Variants in KCNQ3 observed in about 807,000 individuals in gnomAD.
KCNQ3 encodes the protein potassium voltage-gated channel subfamily Q member 3, also known as potassium voltage-gated channel subfamily KQT member 3.
KCNQ3 carries 30 observed loss-of-function variants against 92.5 expected under a neutral mutation model. The ratio of observed to expected loss-of-function variants is 0.32; its 90% CI spans 0.24 to 0.44. The LOEUF (loss-of-function observed/expected upper bound fraction) is 0.44, where lower values mean the gene tolerates loss of function less well. KCNQ3 is among the 20% of genes least tolerant of loss of function. KCNQ3 has a pLI of 1.00. For missense variants in KCNQ3, 913 were observed against 1,140.3 expected, an observed-to-expected ratio of 0.80 and a Z score of 2.87; for synonymous variants, 450 against 468.8, an observed-to-expected ratio of 0.96 and a Z score of 0.52.
At chr8:132,471,789 A>C (rs1822302822) in intron 1 of KCNQ3, among the ~76,000 whole-genome samples, 1 of 152,188 alleles carries the variant, frequency 6.6e-6, no homozygotes, top group African/African-American at 2.4e-5. Flanking sequence ...TTAAACTAAA[A>C]AGCTTCTATG....
intron 5 of KCNQ3, among the ~76,000 whole-genome samples, chr8:132,174,795 A>G (rs1826494835): frequency 6.6e-6 from 1 of 152,302 alleles, no homozygotes; most frequent in African/African-American, 2.4e-5. Flanking sequence ...ATCAGTATAC[A>G]TGTACTTATG....
intron 14 of KCNQ3, among the ~76,000 whole-genome samples, chr8:132,131,934 A>T (rs905510002): frequency 2.6e-5 from 4 of 152,066 alleles, no homozygotes; most frequent in Non-Finnish European, 1.5e-5. Context: ...CTAAAAATAC[A>T]AAAATTAGCT....
chr8:132,337,590 C>T (rs1366587687), intron 1 of KCNQ3, among the ~76,000 whole-genome samples: 1 of 152,116 alleles, frequency 6.6e-6, no homozygotes, highest in African/African-American at 2.4e-5. Flanking sequence ...AGGGCTGGTA[C>T]CAACAGGTCA....
At chr8:132,148,669 T>A (rs146616343) in intron 9 of KCNQ3, among the ~76,000 whole-genome samples, 8 of 152,360 alleles carry the variant, frequency 5.3e-5, no homozygotes, top group Non-Finnish European at 1.2e-4. Context: ...CCAATGTGGA[T>A]GGACGTCATC....
At chr8:132,365,646 T>C (rs955937584) in intron 1 of KCNQ3, among the ~76,000 whole-genome samples, 2 of 152,194 alleles carry the variant, frequency 1.3e-5, no homozygotes, top group African/African-American at 2.4e-5. Flanking sequence ...TCAAAGTTTG[T>C]TGTCAAGTAA....
intron 1 of KCNQ3, among the ~76,000 whole-genome samples, chr8:132,395,647 T>TA (rs768917494): frequency 6.6e-6 from 1 of 152,254 alleles, no homozygotes; most frequent in South Asian, 2.1e-4. Context: ...CAGCATCTCC[T>TA]ACTAAAGAGA....
chr8:132,218,159 C>A (rs949858534), intron 1 of KCNQ3, among the ~76,000 whole-genome samples: 6 of 152,154 alleles, frequency 3.9e-5, no homozygotes, highest in African/African-American at 1.4e-4. Flanking sequence ...AAGCTCTGCT[C>A]CATTCATGTC....
At chr8:132,142,458 T>C (rs952414641) in intron 9 of KCNQ3, among the ~76,000 whole-genome samples, 1 of 152,192 alleles carries the variant, frequency 6.6e-6, no homozygotes, top group African/African-American at 2.4e-5. Context: ...GCATAGAGTG[T>C]GACACAGAGC....
At chr8:132,224,081 A>ATTTTTTTTTTTTTTTTTTTTTTTTTTTT (rs1164773143) in intron 1 of KCNQ3, among the ~76,000 whole-genome samples, 3 of 39,460 alleles carry the variant, frequency 7.6e-5, no homozygotes, top group Admixed American at 3.4e-4. Context: ...ATGCCAGGCT[A>ATTTTTTTTTTTTTTTTTTTTTTTTTTTT]TTTTTTTTTT....
At chr8:132,479,987 CACACA>C (rs1563925568) in intron 1 of KCNQ3, among the ~76,000 whole-genome samples, 155 bp downstream of exon 1, 31 of 151,424 alleles carry the variant, frequency 2.0e-4, no homozygotes, top group African/African-American at 3.7e-4. Context: ...CACACACACA[CACACA>C]CCCAGGGAAA....
At chr8:132,426,449 C>T (rs1217548767) in intron 1 of KCNQ3, among the ~76,000 whole-genome samples, 1 of 152,242 alleles carries the variant, frequency 6.6e-6, no homozygotes, top group African/African-American at 2.4e-5. Flanking sequence ...CCTCTCACAG[C>T]CTGGTTTGCT....
intron 8 of KCNQ3, among the ~76,000 whole-genome samples, chr8:132,164,182 G>A (rs1826072946): frequency 6.6e-6 from 1 of 151,908 alleles, no homozygotes; most frequent in Non-Finnish European, 1.5e-5. Flanking sequence ...TTCCCTGCTT[G>A]GAACAGTCCT....
intron 1 of KCNQ3, among the ~76,000 whole-genome samples, chr8:132,337,006 G>A (rs2130675118): frequency 6.6e-6 from 1 of 152,316 alleles, no homozygotes; most frequent in South Asian, 2.1e-4. Context: ...TAACAGGTAT[G>A]CCCAGAGAGG....
chr8:132,352,456 G>A (rs968581688), intron 1 of KCNQ3, among the ~76,000 whole-genome samples: 44 of 152,100 alleles, frequency 2.9e-4, no homozygotes, highest in African/African-American at 8.2e-4. Flanking sequence ...GCTAATGCTG[G>A]AAAACTCTGG....
intron 1 of KCNQ3, among the ~76,000 whole-genome samples, chr8:132,363,882 A>C (rs990358565): frequency 2.0e-5 from 3 of 151,788 alleles, no homozygotes; most frequent in Non-Finnish European, 2.9e-5. Context: ...AGGCTGTTCT[A>C]GTTTATCCCT....
chr8:132,422,236 TC>T (rs1820986953), intron 1 of KCNQ3, among the ~76,000 whole-genome samples: 1 of 152,064 alleles, frequency 6.6e-6, no homozygotes, highest in Admixed American at 6.6e-5. Flanking sequence ...CATCCCTGAC[TC>T]TTCCCTTCTC....
intron 1 of KCNQ3, among the ~76,000 whole-genome samples, chr8:132,275,619 C>T (rs1171029151): frequency 6.6e-6 from 1 of 151,780 alleles, no homozygotes; most frequent in Non-Finnish European, 1.5e-5. Flanking sequence ...GCTCTGTCGC[C>T]CAGGCTGGAG....
At position 132,480,677 on chromosome 8, in the gene KCNQ3, C is replaced by CCCT; in HGVS notation, c.-146_-145insAGG. On this transcript the variant is annotated 5_prime_UTR_variant, in exon 1 of 15. Transcript: ENST00000388996. ...ATCCGCGCGCCCCTCCCCACCCCCCCCCAAAAGCAGGCAAAGGCGGGCCCC... is the reference window on the plus strand; with the variant it reads ...ATCCGCGCGCCCCTCCCCACCCCCCCCCTCCAAAAGCAGGCAAAGGCGGGCCCC... The CCCT allele has an allele frequency of 2.2e-6, 2 of 902,578 alleles. No homozygotes were observed. Among genetic ancestry groups the CCCT allele is most frequent in the Non-Finnish European group, 2.7e-6 (2 of 742,380 alleles). 55.9% of individuals were successfully genotyped at this position (902,578 alleles called of 1,614,324 possible).
At chr8:132,230,433 CAGAGAGAG>C (rs371769857) in intron 1 of KCNQ3, among the ~76,000 whole-genome samples, 2 of 131,084 alleles carry the variant, frequency 1.5e-5, no homozygotes, top group Non-Finnish European at 1.6e-5. Context: ...CCACCACAGG[CAGAGAGAG>C]AGAGAGACAG....
Sources: allele counts gnomAD v4.1 joint callset (sites outside exome capture counted in the v4.1 genomes callset), GRCh38; gene constraint gnomAD v4.1.1; transcripts MANE v1.5; gene names NCBI Gene and HGNC (gene_info 2026-07-23, HGNC 2026-07-21).